KLHL1: variants seen among roughly 807,000 people sequenced by gnomAD.
The protein encoded by KLHL1 is kelch like family member 1, also known as kelch-like protein 1.
KLHL1 carries 47 observed loss-of-function variants against 77.7 expected under a neutral mutation model. The ratio of observed to expected loss-of-function variants is 0.60; its 90% CI spans 0.48 to 0.77. KLHL1 has a LOEUF of 0.77. KLHL1 is among the 30% of genes least tolerant of loss of function. The probability of loss-of-function intolerance (pLI) is 0.00; values close to 1 mark genes in which losing one functional copy is unlikely to be tolerated. For synonymous variants in KLHL1, 360 were observed against 325.2 expected (o/e 1.11, Z -1.15); for missense variants, 925 against 910.8 (o/e 1.02, Z -0.20).
At chr13:69,926,152 T>C (rs1240997095) in intron 4 of KLHL1, among the ~76,000 whole-genome samples, 1 of 152,182 alleles carries the variant, frequency 6.6e-6, no homozygotes, top group Non-Finnish European at 1.5e-5. Context: ...CTGTTCGGTT[T>C]GATTTAGGGG....
intron 1 of KLHL1, among the ~76,000 whole-genome samples, chr13:70,053,671 T>G (rs971886750): frequency 6.6e-6 from 1 of 152,134 alleles, no homozygotes; most frequent in Non-Finnish European, 1.5e-5. Flanking sequence ...TCCAAGGTTT[T>G]GTACCAAATA....
intron 4 of KLHL1, among the ~76,000 whole-genome samples, chr13:69,919,960 T>C (rs1197226541): frequency 6.6e-6 from 1 of 152,168 alleles, no homozygotes; most frequent in Non-Finnish European, 1.5e-5. Flanking sequence ...AGCCACTTCT[T>C]CACATAACTC....
intron 2 of KLHL1, among the ~76,000 whole-genome samples, chr13:69,973,206 T>C (rs906033240): frequency 2.0e-5 from 3 of 151,914 alleles, no homozygotes; most frequent in Non-Finnish European, 4.4e-5. Flanking sequence ...CATAAAACAA[T>C]TGATAATTGT....
At chr13:70,105,593 C>T (rs1029266633) in intron 1 of KLHL1, among the ~76,000 whole-genome samples, 2 of 151,176 alleles carry the variant, frequency 1.3e-5, no homozygotes, top group Non-Finnish European at 3.0e-5. Flanking sequence ...ACCTAGTTTC[C>T]TTTTGAATAT....
rs1474483748 is a variant in KLHL1 at position 69,947,954 on chromosome 13, A to C, written c.818-7718T>G. 7.2e-5 allele frequency among the ~76,000 whole-genome samples: 11 copies of C among 152,292 alleles called. No homozygotes were observed. In the East Asian group the frequency reaches 2.1e-3, roughly 29 times the overall value. ...TTTCAAGGCATAACGTTCTCAAATA[A>C]GCTTACTAAAAGGGAAAACCTACAT... On this transcript the variant is annotated intron_variant, in intron 3 of 10. Coordinates refer to ENST00000377844, the MANE Select transcript of KLHL1 (RefSeq NM_020866.3).
chr13:69,703,403 C>A (rs1370892706), intron 10 of KLHL1, among the ~76,000 whole-genome samples: 1 of 149,526 alleles, frequency 6.7e-6, no homozygotes, highest in Non-Finnish European at 1.5e-5. Context: ...GTAACTATTA[C>A]TATAAAAGAG....
intron 3 of KLHL1, among the ~76,000 whole-genome samples, chr13:69,958,570 A>G (rs1046196278): frequency 2.0e-5 from 3 of 151,778 alleles, no homozygotes; most frequent in African/African-American, 7.3e-5. Flanking sequence ...GGTTCCTTCA[A>G]ATCTTACACA....
chr13:70,075,588 TACACACAC>T (rs772766804), intron 1 of KLHL1, among the ~76,000 whole-genome samples: 3 of 121,996 alleles, frequency 2.5e-5, no homozygotes, highest in African/African-American at 6.2e-5. Context: ...TATATATATA[TACACACAC>T]ACACATATAT....
intron 6 of KLHL1, among the ~76,000 whole-genome samples, chr13:69,820,426 T>A: frequency 6.6e-6 from 1 of 152,112 alleles, no homozygotes; most frequent in East Asian, 1.9e-4. Flanking sequence ...AGTCTGGAGG[T>A]GATCATTATC....
intron 1 of KLHL1, among the ~76,000 whole-genome samples, chr13:70,065,267 C>CT (rs900620831): frequency 7.9e-5 from 12 of 152,078 alleles, no homozygotes; most frequent in Admixed American, 3.3e-4. Flanking sequence ...ATTGACCATA[C>CT]TTTTTTTTGC....
chr13:70,061,101 G>A (rs1019831616), intron 1 of KLHL1, among the ~76,000 whole-genome samples: 2 of 152,078 alleles, frequency 1.3e-5, no homozygotes, highest in African/African-American at 4.8e-5. Context: ...GGAGGGAGAA[G>A]TGAGGATGGT....
chr13:69,875,428 C>T (rs1295621560), intron 5 of KLHL1, among the ~76,000 whole-genome samples: 4 of 151,932 alleles, frequency 2.6e-5, no homozygotes, highest in Non-Finnish European at 5.9e-5. Context: ...TAGTGGAACC[C>T]CTTTGGCAAG....
At chr13:69,887,012 G>GA (rs1172806158) in intron 4 of KLHL1, among the ~76,000 whole-genome samples, 2 of 151,800 alleles carry the variant, frequency 1.3e-5, no homozygotes, top group African/African-American at 2.4e-5. Flanking sequence ...CCAAGCACCT[G>GA]AAAAAAAATG....
At chr13:69,943,234 T>G (rs555120559) in intron 3 of KLHL1, among the ~76,000 whole-genome samples, 1 of 148,844 alleles carries the variant, frequency 6.7e-6, no homozygotes, top group African/African-American at 2.6e-5. Flanking sequence ...CTGACAGATT[T>G]CTTCATTTAA....
At chr13:69,794,564 TAAA>T (rs58800073) in intron 7 of KLHL1, among the ~76,000 whole-genome samples, 1 of 144,628 alleles carries the variant, frequency 6.9e-6, no homozygotes, top group Admixed American at 6.9e-5. Flanking sequence ...AGAGAGAGAT[TAAA>T]AAAAAAGAGC....
At chr13:69,767,484 GCCAGGAGTTTGAGA>G (rs1875363550) in intron 7 of KLHL1, among the ~76,000 whole-genome samples, 1 of 152,004 alleles carries the variant, frequency 6.6e-6, no homozygotes, top group Non-Finnish European at 1.5e-5. Flanking sequence ...ATGGCTTGAG[GCCAGGAGTTTGAGA>G]CCAGCCTGGG....
At chr13:69,788,464 G>GA (rs1876679662) in intron 7 of KLHL1, among the ~76,000 whole-genome samples, 1 of 151,900 alleles carries the variant, frequency 6.6e-6, no homozygotes, top group South Asian at 2.1e-4. Context: ...TGAACAATGA[G>GA]AACACATGGA....
chr13:70,096,802 C>T (rs896503791), intron 1 of KLHL1, among the ~76,000 whole-genome samples: 2 of 151,854 alleles, frequency 1.3e-5, no homozygotes, highest in Non-Finnish European at 2.9e-5. Context: ...GAAATCACAA[C>T]ATGGCTGGCT....
At chr13:69,718,733 A>G (rs1281862792) in intron 9 of KLHL1, among the ~76,000 whole-genome samples, 1 of 152,132 alleles carries the variant, frequency 6.6e-6, no homozygotes, top group African/African-American at 2.4e-5. Context: ...AAGTCTCTGC[A>G]TAGTATTCCT....
Sources: allele counts gnomAD v4.1 joint callset (sites outside exome capture counted in the v4.1 genomes callset), GRCh38; gene constraint gnomAD v4.1.1; transcripts MANE v1.5; gene names NCBI Gene and HGNC (gene_info 2026-07-23, HGNC 2026-07-21).